Variants in SCFD2 observed in about 807,000 individuals in gnomAD.
SCFD2 encodes the protein sec1 family domain containing 2.
SCFD2 carries 54 observed loss-of-function variants against 58.9 expected under a neutral mutation model. That is an observed-to-expected ratio of 0.92 (90% CI 0.74 to 1.15). The LOEUF (loss-of-function observed/expected upper bound fraction) is 1.15. SCFD2 is among the 50% of genes most tolerant of loss of function. SCFD2 has a pLI of 0.00. For missense variants in SCFD2, 805 were observed against 836.6 expected (o/e 0.96, Z 0.47); for synonymous variants, 321 against 335.9 (o/e 0.96, Z 0.49).
chr4:53,009,452 G>A (rs1722049378), intron 5 of SCFD2, among the ~76,000 whole-genome samples: 1 of 152,138 alleles, frequency 6.6e-6, no homozygotes, highest in South Asian at 2.1e-4. Flanking sequence ...AAGAACACAT[G>A]GTATGCAGAG....
In SCFD2 at chr4:53,256,011, C is replaced by T. The variant is rs554226333; in HGVS notation, c.1311+17815G>A. Among the ~76,000 whole-genome samples, 308 of 145,690 alleles carry T rather than the reference C, an allele frequency of 2.1e-3. 1 individual carries two copies. The highest frequency in any genetic ancestry group is 7.3e-3 in the African/African-American group (285 of 39,300). ...CTCCCAGACGGGGCGGCTGGCCGGG[C>T]GGGGGTCTGACCCCCCACCTCCCTT... On this transcript the variant is annotated intron_variant, in intron 4 of 8. Coordinates refer to ENST00000401642, the MANE Select transcript of SCFD2 (RefSeq NM_152540.4).
intron 5 of SCFD2, among the ~76,000 whole-genome samples, chr4:53,122,791 C>T (rs575696995): frequency 1.1e-4 from 16 of 152,226 alleles, no homozygotes; most frequent in South Asian, 6.2e-4. Flanking sequence ...AGGGAAAGTA[C>T]GCAAGGCATT....
At chr4:52,898,679 C>T (rs987747793) in intron 7 of SCFD2, among the ~76,000 whole-genome samples, 3 of 152,120 alleles carry the variant, frequency 2.0e-5, no homozygotes, top group Non-Finnish European at 4.4e-5. Context: ...CTGCTTGGTG[C>T]AGAGCTGAGT....
At chr4:53,357,365 G>T (rs1369734721) in intron 1 of SCFD2, among the ~76,000 whole-genome samples, 3 of 151,754 alleles carry the variant, frequency 2.0e-5, no homozygotes, top group African/African-American at 4.8e-5. Context: ...AGAGGCGGAG[G>T]TTTCAGTGAG....
intron 5 of SCFD2, among the ~76,000 whole-genome samples, chr4:53,134,075 G>A (rs775912987): frequency 6.6e-6 from 1 of 152,182 alleles, no homozygotes; most frequent in East Asian, 1.9e-4. Flanking sequence ...AGTGAAATAT[G>A]CCAGTTACAG....
chr4:53,157,696 A>G (rs1221608667), intron 4 of SCFD2, among the ~76,000 whole-genome samples: 5 of 152,198 alleles, frequency 3.3e-5, no homozygotes, highest in African/African-American at 9.7e-5. Flanking sequence ...TTTTTTTAAG[A>G]ATACTTTTCA....
chr4:53,007,604 T>G (rs1218742486), intron 5 of SCFD2, among the ~76,000 whole-genome samples: 1 of 152,126 alleles, frequency 6.6e-6, no homozygotes, highest in Non-Finnish European at 1.5e-5. Flanking sequence ...CTACCTCACT[T>G]CTCTATGTGT....
At chr4:53,253,738 G>C (rs1376142902) in intron 4 of SCFD2, among the ~76,000 whole-genome samples, 1 of 111,662 alleles carries the variant, frequency 9.0e-6, no homozygotes, top group East Asian at 3.0e-4. Context: ...GGGGACTGTC[G>C]TGGGGTGGGG....
At chr4:53,043,365 C>G (rs1211527402) in intron 5 of SCFD2, among the ~76,000 whole-genome samples, 1 of 152,132 alleles carries the variant, frequency 6.6e-6, no homozygotes, top group Non-Finnish European at 1.5e-5. Context: ...TGTCAACTAA[C>G]AAATGTAAAT....
rs528164915 is a variant in SCFD2, at chr4:52,973,345, C to T, written c.1562-52475G>A. ...AAAATGATAAAGGGGATATCACTACCGATCCCATAGAAATACAAACTACCA... is the reference window on the plus strand; with the variant it reads ...AAAATGATAAAGGGGATATCACTACTGATCCCATAGAAATACAAACTACCA... On this transcript the variant is annotated intron_variant, in intron 5 of 8. Transcript: ENST00000401642. Among the ~76,000 whole-genome samples, 110 of 151,152 alleles carry T rather than the reference C, an allele frequency of 7.3e-4. 1 individual carries two copies. In the East Asian group the frequency reaches 0.02, roughly 27 times the overall value.
At chr4:52,999,926 A>G (rs1721828801) in intron 5 of SCFD2, among the ~76,000 whole-genome samples, 1 of 152,168 alleles carries the variant, frequency 6.6e-6, no homozygotes, top group Non-Finnish European at 1.5e-5. Flanking sequence ...AGCTGCTGGG[A>G]CACTGGGCAG....
At chr4:52,961,005 G>A (rs1720841014) in intron 5 of SCFD2, among the ~76,000 whole-genome samples, 1 of 152,166 alleles carries the variant, frequency 6.6e-6, no homozygotes, top group South Asian at 2.1e-4. Flanking sequence ...ACCTGAGCGG[G>A]ACCTTGCAGG....
chr4:53,310,051 C>G (rs960617321), intron 3 of SCFD2, among the ~76,000 whole-genome samples: 2 of 152,084 alleles, frequency 1.3e-5, no homozygotes, highest in African/African-American at 2.4e-5. Flanking sequence ...ACAGAAAACA[C>G]AGAGAGACAT....
chr4:53,250,398 A>G (rs1170634602), intron 4 of SCFD2, among the ~76,000 whole-genome samples: 1 of 152,214 alleles, frequency 6.6e-6, no homozygotes, highest in East Asian at 1.9e-4. Flanking sequence ...TCAACAAGAC[A>G]GAAAGTTAAC....
intron 4 of SCFD2, among the ~76,000 whole-genome samples, chr4:53,208,135 CT>C (rs1178067620): frequency 6.7e-6 from 1 of 150,212 alleles, no homozygotes; most frequent in Admixed American, 6.7e-5. Flanking sequence ...TTTTTCTTTT[CT>C]TTTTTTTTCT....
intron 3 of SCFD2, among the ~76,000 whole-genome samples, chr4:53,293,974 T>G (rs1489328166): frequency 6.7e-6 from 1 of 148,910 alleles, no homozygotes. Context: ...ACTGAGAACA[T>G]GCAATGTTTG....
chr4:53,037,767 G>C (rs2148822530), intron 5 of SCFD2, among the ~76,000 whole-genome samples: 1 of 152,216 alleles, frequency 6.6e-6, no homozygotes, highest in South Asian at 2.1e-4. Context: ...TCTCAGATCT[G>C]AAGTTGTCTT....
chr4:52,896,078 G>A (rs1276192936), intron 7 of SCFD2, among the ~76,000 whole-genome samples: 1 of 152,084 alleles, frequency 6.6e-6, no homozygotes, highest in African/African-American at 2.4e-5. Context: ...TGTCAGATGA[G>A]TAGATTGCAA....
At chr4:53,169,289 G>A (rs994511440) in intron 4 of SCFD2, among the ~76,000 whole-genome samples, 2 of 152,134 alleles carry the variant, frequency 1.3e-5, no homozygotes, top group Non-Finnish European at 2.9e-5. Context: ...TCTTGAACCT[G>A]GGAGGCAGTT....
Sources: allele counts gnomAD v4.1 joint callset (sites outside exome capture counted in the v4.1 genomes callset), GRCh38; gene constraint gnomAD v4.1.1; transcripts MANE v1.5; gene names NCBI Gene and HGNC (gene_info 2026-07-23, HGNC 2026-07-21).